The following ANKRD17 variants were observed in gnomAD, a reference collection of about 807,000 sequenced individuals.
ANKRD17 encodes the protein ankyrin repeat domain 17.
ANKRD17 carries 19 observed loss-of-function variants against 229.7 expected under a neutral mutation model. The observed-to-expected ratio is 0.08, with a 90% confidence interval of 0.06 to 0.12. The LOEUF is 0.12. ANKRD17 is among the 10% of genes least tolerant of loss of function. The pLI, the probability that ANKRD17 is intolerant of heterozygous loss-of-function variation, is 1.00. For synonymous variants in ANKRD17, 1,112 were observed against 1,146.1 expected (o/e 0.97, Z 0.60); for missense variants, 2,176 against 3,176.8 (o/e 0.68, Z 7.57).
At chr4:73,106,261 A>T (rs759817091) in intron 24 of ANKRD17, among the ~76,000 whole-genome samples, 1 of 152,092 alleles carries the variant, frequency 6.6e-6, no homozygotes, top group Non-Finnish European at 1.5e-5. Flanking sequence ...ATAAATAAAT[A>T]AAAATAACTT....
chr4:73,201,169 T>C (rs1275093597), intron 1 of ANKRD17, among the ~76,000 whole-genome samples: 1 of 152,010 alleles, frequency 6.6e-6, no homozygotes, highest in Non-Finnish European at 1.5e-5. Flanking sequence ...TTAAAATGTA[T>C]GCAAAAAATA....
chr4:73,127,512 T>C (rs1727631195), intron 16 of ANKRD17, among the ~76,000 whole-genome samples: 1 of 152,210 alleles, frequency 6.6e-6, no homozygotes, highest in Non-Finnish European at 1.5e-5. Flanking sequence ...TTCCCTCACT[T>C]TCACATATGT....
chr4:73,155,598 A>C lies in ANKRD17; in HGVS notation c.1000+33T>G, dbSNP rs558774872. On this transcript the variant is annotated intron_variant, in intron 5 of 33. Transcript: ENST00000358602. ...ATCATTATTACCAAATGATGTTACT[A>C]TGTAGTAAAACTGAAAAAGAAATAG... is the stretch of plus-strand genomic sequence containing the variant. 75 of 1,609,890 alleles carry C rather than the reference A, an allele frequency of 4.7e-5. 1 individual carries two copies. The South Asian group carries it at 7.4e-4, about 16-fold the overall frequency.
intron 21 of ANKRD17, among the ~76,000 whole-genome samples, chr4:73,119,383 G>A (rs1250929347): frequency 1.3e-5 from 2 of 152,210 alleles, no homozygotes; most frequent in East Asian, 1.9e-4. Context: ...TATACAATTT[G>A]ACCATCCCTA....
intron 25 of ANKRD17, chr4:73,100,776 T>C: frequency 1.1e-6 from 1 of 907,438 alleles, no homozygotes; most frequent in Middle Eastern, 5.8e-4. Flanking sequence ...TAAAATTTTC[T>C]GTAGTTTGAA....
intron 2 of ANKRD17, among the ~76,000 whole-genome samples, chr4:73,167,015 A>G (rs13116012): frequency 6.6e-6 from 1 of 152,138 alleles, no homozygotes; most frequent in Non-Finnish European, 1.5e-5. Context: ...TATTATGGCT[A>G]TATTTCTTTT....
At chr4:73,234,067 C>T (rs1436890682) in intron 1 of ANKRD17, among the ~76,000 whole-genome samples, 1 of 152,122 alleles carries the variant, frequency 6.6e-6, no homozygotes, top group Non-Finnish European at 1.5e-5. Context: ...GTTCCTAAAT[C>T]TCTTGCTCTG....
intron 1 of ANKRD17, among the ~76,000 whole-genome samples, chr4:73,226,843 T>C (rs1742564252): frequency 6.6e-6 from 1 of 152,126 alleles, no homozygotes; most frequent in Non-Finnish European, 1.5e-5. Context: ...GCCTCCCCAG[T>C]AGCTGGGACT....
In ANKRD17 at chr4:73,078,823, T is replaced by C. The variant is rs1577976302; in HGVS notation, c.7227A>G (p.Leu2409=). Reference sequence around the variant, plus strand: ...ACACATTGCTGGGCTTTTCTGACCCTAACGGTACTGATGATGGGGCAGGAG... The same window carrying C: ...ACACATTGCTGGGCTTTTCTGACCCCAACGGTACTGATGATGGGGCAGGAG... ...APSPAPSSVP[L]GSEKPSNVSQ... is the part of the protein sequence containing the mutation. Residue 2409 remains leucine, a synonymous_variant, in exon 31 of 34, where the codon TTA becomes TTG. Coordinates refer to ENST00000358602, the MANE Select transcript of ANKRD17 (RefSeq NM_032217.5). The C allele has an allele frequency of 3.1e-6, 5 of 1,614,162 alleles. No individual in the cohort carries two copies. The East Asian group carries it at 1.1e-4, about 36-fold the overall frequency.
At chr4:73,112,833 G>C (rs1725482541) in intron 24 of ANKRD17, 1 of 480,338 alleles carries the variant, frequency 2.1e-6, no homozygotes, top group Non-Finnish European at 2.7e-6. Context: ...TGTTGCCCAG[G>C]CTGGAGTGCA....
intron 1 of ANKRD17, among the ~76,000 whole-genome samples, chr4:73,221,021 A>G (rs971403168): frequency 3.5e-4 from 53 of 152,118 alleles, no homozygotes; most frequent in Non-Finnish European, 1.3e-4. Flanking sequence ...AAAGTTAGCA[A>G]ATTTATTCTT....
chr4:73,074,671 G>A lies in ANKRD17; in HGVS notation c.*1560C>T, dbSNP rs559659478. On this transcript the variant is annotated 3_prime_UTR_variant, in exon 34 of 34. Coordinates refer to ENST00000358602, the MANE Select transcript of ANKRD17 (RefSeq NM_032217.5). ...ATCATTTGATTTACTTGACAACCAAGGAACCATGTTAATATCATCAACTCT... is the reference window on the plus strand; with the variant it reads ...ATCATTTGATTTACTTGACAACCAAAGAACCATGTTAATATCATCAACTCT... 1 of 151,808 alleles carries A rather than the reference G, an allele frequency of 6.6e-6. No homozygotes were observed. The highest frequency in any genetic ancestry group is 2.1e-4 in the South Asian group (1 of 4,808). 9.4% of individuals were successfully genotyped at this position (151,808 alleles called of 1,614,324 possible). A position where few individuals can be genotyped will look rare whatever the true frequency, so the allele number is the denominator to read the frequency against.
intron 3 of ANKRD17, among the ~76,000 whole-genome samples, chr4:73,158,653 A>C (rs1386780392): frequency 6.6e-6 from 1 of 152,244 alleles, no homozygotes; most frequent in Non-Finnish European, 1.5e-5. Flanking sequence ...CAATACTGAT[A>C]GGTAAGGCCT....
At chr4:73,254,969 T>G (rs975499406) in intron 1 of ANKRD17, among the ~76,000 whole-genome samples, 1 of 152,166 alleles carries the variant, frequency 6.6e-6, no homozygotes, top group Non-Finnish European at 1.5e-5. Flanking sequence ...TTAGAAAATA[T>G]ATTTGTATTT....
At chr4:73,176,961 A>C (rs181963835) in intron 2 of ANKRD17, among the ~76,000 whole-genome samples, 88 of 152,356 alleles carry the variant, frequency 5.8e-4, no homozygotes, top group Non-Finnish European at 1.0e-3. Context: ...AGGAGAGCTG[A>C]AACAAGAATG....
At chr4:73,209,739 A>G (rs1740003952) in intron 1 of ANKRD17, among the ~76,000 whole-genome samples, 1 of 152,232 alleles carries the variant, frequency 6.6e-6, no homozygotes. Flanking sequence ...AAAAGGAGTC[A>G]CACATTGTGA....
chr4:73,184,418 A>C lies in ANKRD17; in HGVS notation c.394-6885T>G, dbSNP rs1308413632. ...GTGGCAGGTGCCTGTAATCCTAGCT[A>C]CTCAGGAGGCTGAGACAGGAGAATC... On this transcript the variant is annotated intron_variant, in intron 1 of 33. Transcript: ENST00000358602. Among the ~76,000 whole-genome samples, 4 of 150,862 alleles carry C rather than the reference A, an allele frequency of 2.7e-5. No homozygotes were observed. The East Asian group carries it at 7.8e-4, about 30-fold the overall frequency.
chr4:73,239,739 A>G (rs1054732810), intron 1 of ANKRD17, among the ~76,000 whole-genome samples: 1 of 152,140 alleles, frequency 6.6e-6, no homozygotes, highest in Admixed American at 6.5e-5. Flanking sequence ...ATAAAAGTGG[A>G]AAAAGATACT....
intron 2 of ANKRD17, among the ~76,000 whole-genome samples, chr4:73,166,579 C>G (rs889268523): frequency 6.6e-6 from 1 of 152,124 alleles, no homozygotes; most frequent in African/African-American, 2.4e-5. Context: ...AGCAACCAGA[C>G]AGTGCCTATG....
Sources: allele counts gnomAD v4.1 joint callset (sites outside exome capture counted in the v4.1 genomes callset), GRCh38; gene constraint gnomAD v4.1.1; transcripts MANE v1.5; gene names NCBI Gene and HGNC (gene_info 2026-07-23, HGNC 2026-07-21).